The following TSPAN18 variants were observed in gnomAD, a reference collection of about 807,000 sequenced individuals.
TSPAN18 encodes tetraspanin 18.
A neutral mutation model predicts 27.3 loss-of-function variants in TSPAN18; 14 were observed. The observed-to-expected ratio is 0.51, with a 90% confidence interval of 0.34 to 0.80. The LOEUF (loss-of-function observed/expected upper bound fraction) is 0.80. Among genes scored for constraint, TSPAN18 ranks in the 30% least tolerant of loss-of-function variants. The pLI is 0.01. For missense variants in TSPAN18, 268 were observed against 323.9 expected (o/e 0.83, Z 1.32); for synonymous variants, 143 against 136.5 (o/e 1.05, Z -0.33).
intron 2 of TSPAN18, among the ~76,000 whole-genome samples, chr11:44,857,989 G>A (rs1857781296): frequency 6.6e-6 from 1 of 152,206 alleles, no homozygotes; most frequent in African/African-American, 2.4e-5. Flanking sequence ...GTGATCGAGA[G>A]CTTCCGCTCA....
chr11:44,808,588 T>C (rs1565159156), intron 2 of TSPAN18, among the ~76,000 whole-genome samples: 1 of 152,110 alleles, frequency 6.6e-6, no homozygotes, highest in Non-Finnish European at 1.5e-5. Flanking sequence ...TCCAGAGACC[T>C]TGGGGGAGGG....
At chr11:44,817,146 C>T (rs112222633) in intron 2 of TSPAN18, among the ~76,000 whole-genome samples, 34 of 152,342 alleles carry the variant, frequency 2.2e-4, no homozygotes, top group African/African-American at 3.8e-4. Flanking sequence ...GATCAGCACA[C>T]GGAAGAGGCA....
intron 3 of TSPAN18, among the ~76,000 whole-genome samples, chr11:44,860,764 A>G (rs1035321161): frequency 6.6e-6 from 1 of 152,220 alleles, no homozygotes; most frequent in African/African-American, 2.4e-5. Context: ...TTGCTGGCCC[A>G]TGCCCCTCAA....
chr11:44,761,275 TCTGCCACTTGCACCCAGGACCCGTTC>T (rs1855448791), intron 1 of TSPAN18, among the ~76,000 whole-genome samples: 1 of 152,168 alleles, frequency 6.6e-6, no homozygotes, highest in South Asian at 2.1e-4. Flanking sequence ...AGGCTTACAC[TCTGCCACTTGCACCCAGGACCCGTTC>T]CTGCTCTTAG....
Position 44,919,897 on chromosome 11 carries a change from G to A in TSPAN18, c.513G>A (p.Glu171=), listed in dbSNP as rs554690631. The change falls in exon 8 of 10, where the codon GAG becomes GAA. Residue 171 remains glutamate, a synonymous_variant. Coordinates refer to ENST00000520358, the MANE Select transcript of TSPAN18 (RefSeq NM_130783.5). ...VFRLLTLDSE[E]VPEACCRREP... The stretch of plus-strand genomic sequence containing the variant: ...GACTCCTGACCCTGGATAGTGAAGA[G>A]GTGCCGGAGGCCTGCTGCCGGAGGG... The A allele has an allele frequency of 1.2e-6, 2 of 1,614,126 alleles. No homozygotes were observed. Among genetic ancestry groups the A allele is most frequent in the East Asian group, 2.2e-5 (1 of 44,888 alleles).
At chr11:44,731,608 G>GTA (rs1854657019) in intron 1 of TSPAN18, among the ~76,000 whole-genome samples, 1 of 47,894 alleles carries the variant, frequency 2.1e-5, no homozygotes, top group South Asian at 1.0e-3. Flanking sequence ...GTGTGTGTGT[G>GTA]TGTGTGTGTG....
chr11:44,900,580 C>T (rs571124156), intron 3 of TSPAN18, among the ~76,000 whole-genome samples: 1 of 151,698 alleles, frequency 6.6e-6, no homozygotes, highest in South Asian at 2.1e-4. Context: ...TGTGTGTTCC[C>T]TGGCACATAG....
In TSPAN18 at chr11:44,761,918, T is replaced by C. The variant is rs77359752; in HGVS notation, c.-239-2508T>C. On this transcript the variant is annotated intron_variant, in intron 1 of 9. Coordinates refer to ENST00000520358, the MANE Select transcript of TSPAN18 (RefSeq NM_130783.5). ...CAGCCAAGTCCCACACGCCTCCCTT[T>C]GTCCAGGGCCCTTGGCTTACCAGGC... Among the ~76,000 whole-genome samples, 558 of 152,338 alleles carry C rather than the reference T, an allele frequency of 3.7e-3. 3 individuals are homozygous for C. Among genetic ancestry groups the C allele is most frequent in the Non-Finnish European group, 3.8e-3 (261 of 68,022 alleles).
intron 3 of TSPAN18, among the ~76,000 whole-genome samples, chr11:44,862,003 T>C (rs113838728): frequency 0.011 from 1,654 of 152,250 alleles, 29 homozygotes; most frequent in African/African-American, 0.031. Context: ...CGGGAAGGCC[T>C]GTTCCTTTTT....
rs147895112 is a variant in TSPAN18 at position 44,924,232 on chromosome 11, T to C, written c.616-2442T>C. Among the ~76,000 whole-genome samples, 261 of 152,094 alleles carry C rather than the reference T, an allele frequency of 1.7e-3. 1 individual carries two copies. The highest frequency in any genetic ancestry group is 6.0e-3 in the African/African-American group (248 of 41,462). On this transcript the variant is annotated intron_variant, in intron 8 of 9. Coordinates refer to ENST00000520358, the MANE Select transcript of TSPAN18 (RefSeq NM_130783.5). ...AGAGACGGACGGTAATCCTTGGTAA[T>C]CCTAACAGGCATTGAGATTGAGAGC...
chr11:44,803,668 G>A lies in TSPAN18; in HGVS notation c.-153+39156G>A, dbSNP rs113645709. 1.9e-3 allele frequency among the ~76,000 whole-genome samples: 291 copies of A among 152,256 alleles called. 2 individuals carry two copies. The highest frequency in any genetic ancestry group is 6.7e-3 in the African/African-American group (279 of 41,540). On this transcript the variant is annotated intron_variant, in intron 2 of 9. Transcript: ENST00000520358. Reference sequence around the variant, plus strand: ...GGGGACACTGGGGTGGAGACGAGGGGCTGATGCAGGAGGTAGCAGGACAAC... The same window carrying A: ...GGGGACACTGGGGTGGAGACGAGGGACTGATGCAGGAGGTAGCAGGACAAC...
intron 3 of TSPAN18, among the ~76,000 whole-genome samples, chr11:44,885,133 TA>T (rs1858605329): frequency 6.6e-6 from 1 of 152,118 alleles, no homozygotes; most frequent in South Asian, 2.1e-4. Context: ...TATGGCCCCT[TA>T]TGGAAAAAGT....
chr11:44,793,448 G>A (rs191367225), intron 2 of TSPAN18, among the ~76,000 whole-genome samples: 10 of 152,176 alleles, frequency 6.6e-5, no homozygotes, highest in Admixed American at 6.5e-4. Context: ...CCCTCCCAGT[G>A]TGCCAGTGAC....
chr11:44,742,883 A>G (rs1037143673), intron 1 of TSPAN18, among the ~76,000 whole-genome samples: 2 of 152,194 alleles, frequency 1.3e-5, no homozygotes, highest in African/African-American at 4.8e-5. Context: ...TTGGCTGAGG[A>G]CATGGATGGA....
chr11:44,842,617 GA>G (rs1376050021), intron 2 of TSPAN18, among the ~76,000 whole-genome samples: 1 of 152,154 alleles, frequency 6.6e-6, no homozygotes, highest in Non-Finnish European at 1.5e-5. Flanking sequence ...GGAAGAGAAA[GA>G]AGAAACTGAG....
intron 3 of TSPAN18, among the ~76,000 whole-genome samples, chr11:44,893,001 C>A (rs1404924818): frequency 6.6e-6 from 1 of 152,230 alleles, no homozygotes; most frequent in Non-Finnish European, 1.5e-5. Context: ...AGGAGGTCCT[C>A]GTTCTAGCTG....
intron 3 of TSPAN18, among the ~76,000 whole-genome samples, chr11:44,881,579 G>A (rs1858490324): frequency 1.3e-5 from 2 of 152,300 alleles, no homozygotes; most frequent in East Asian, 1.9e-4. Flanking sequence ...TTGTTGGAAG[G>A]CTGCAATGAA....
intron 3 of TSPAN18, among the ~76,000 whole-genome samples, chr11:44,879,540 C>T (rs1354676615): frequency 6.6e-6 from 1 of 152,246 alleles, no homozygotes. Flanking sequence ...TGTGGAATAT[C>T]TGGGGGAAGA....
chr11:44,859,370 C>T (rs1309163125), intron 2 of TSPAN18, among the ~76,000 whole-genome samples: 1 of 152,230 alleles, frequency 6.6e-6, no homozygotes, highest in Admixed American at 6.5e-5. Context: ...GCCAAATGCT[C>T]CTCTGTGGGC....
Sources: allele counts gnomAD v4.1 joint callset (sites outside exome capture counted in the v4.1 genomes callset), GRCh38; gene constraint gnomAD v4.1.1; transcripts MANE v1.5; gene names NCBI Gene and HGNC (gene_info 2026-07-23, HGNC 2026-07-21).